PREX2: variants seen among roughly 807,000 people sequenced by gnomAD.
The protein encoded by PREX2 is phosphatidylinositol 3,4,5-trisphosphate-dependent Rac exchanger 2 protein.
PREX2 carries 107 observed loss-of-function variants against 203.2 expected under a neutral mutation model. That is an observed-to-expected ratio of 0.53 (90% confidence interval 0.45 to 0.62). The LOEUF (loss-of-function observed/expected upper bound fraction) is 0.62, where lower values mean the gene tolerates loss of function less well. PREX2 is among the 20% of genes least tolerant of loss of function. The probability of loss-of-function intolerance (pLI) is 0.00; values close to 1 mark genes in which losing one functional copy is unlikely to be tolerated. For synonymous variants in PREX2, 672 were observed against 663.6 expected (o/e 1.01, Z -0.19); for missense variants, 1,777 against 1,955.9 (o/e 0.91, Z 1.72).
intron 10 of PREX2, among the ~76,000 whole-genome samples, chr8:68,059,788 T>C (rs1316617184): frequency 2.6e-5 from 4 of 152,140 alleles, no homozygotes; most frequent in Non-Finnish European, 4.4e-5. Flanking sequence ...CAGCTCCTCA[T>C]TGAGGCTGCA....
At chr8:68,225,956 G>A (rs1813049115) in intron 39 of PREX2, among the ~76,000 whole-genome samples, 1 of 152,120 alleles carries the variant, frequency 6.6e-6, no homozygotes, top group Non-Finnish European at 1.5e-5. Flanking sequence ...ACAGTGGGGT[G>A]GGGATCAGAC....
At chr8:68,129,393 G>A (rs553145041) in intron 31 of PREX2, among the ~76,000 whole-genome samples, 2 of 151,658 alleles carry the variant, frequency 1.3e-5, no homozygotes, top group East Asian at 3.9e-4. Flanking sequence ...TGCTTTATTT[G>A]CTCACCCTCT....
intron 4 of PREX2, among the ~76,000 whole-genome samples, chr8:68,026,755 T>G (rs549728078): frequency 3.1e-4 from 47 of 152,224 alleles, no homozygotes; most frequent in African/African-American, 1.1e-3. Context: ...AGAGGAAAAC[T>G]AGAATTCTGA....
chr8:68,058,110 T>C (rs1010096907), intron 10 of PREX2, among the ~76,000 whole-genome samples: 1 of 152,206 alleles, frequency 6.6e-6, no homozygotes, highest in African/African-American at 2.4e-5. Flanking sequence ...CCTTGTCCGT[T>C]AGCAGAGTGT....
intron 37 of PREX2, among the ~76,000 whole-genome samples, chr8:68,212,654 T>C (rs940393416): frequency 6.6e-6 from 1 of 152,238 alleles, no homozygotes; most frequent in African/African-American, 2.4e-5. Context: ...CTCCACAATT[T>C]TTGTAACATA....
chr8:68,205,327 G>A (rs181384725), intron 37 of PREX2, among the ~76,000 whole-genome samples: 13 of 152,214 alleles, frequency 8.5e-5, no homozygotes, highest in African/African-American at 2.9e-4. Flanking sequence ...AAGTATTTAT[G>A]TGTTTCATTT....
At chr8:68,079,213 C>T (rs1013465781) in intron 15 of PREX2, among the ~76,000 whole-genome samples, 1 of 152,164 alleles carries the variant, frequency 6.6e-6, no homozygotes, top group Admixed American at 6.5e-5. Context: ...CTAATTATGG[C>T]TTCCGTTGTT....
chr8:68,004,588 C>G (rs1230239672), intron 1 of PREX2, among the ~76,000 whole-genome samples: 1 of 152,236 alleles, frequency 6.6e-6, no homozygotes, highest in Non-Finnish European at 1.5e-5. Context: ...TGATACGAAA[C>G]ATTCTCCTTA....
chr8:68,109,664 A>G (rs754609925), intron 25 of PREX2, 41 bp downstream of exon 25: 2 of 1,535,286 alleles, frequency 1.3e-6, no homozygotes, highest in Admixed American at 1.7e-5. Flanking sequence ...GCCAAATAAA[A>G]TAGCCATAAA....
intron 25 of PREX2, among the ~76,000 whole-genome samples, chr8:68,113,816 C>A (rs917741248): frequency 6.6e-6 from 1 of 152,090 alleles, no homozygotes; most frequent in Non-Finnish European, 1.5e-5. Context: ...AGAATTTGAG[C>A]TCCAAGAAGG....
chr8:68,103,625 G>T, intron 23 of PREX2: 1 of 519,078 alleles, frequency 1.9e-6, no homozygotes, highest in South Asian at 1.4e-5. Flanking sequence ...ACACTCCAGT[G>T]GGCCTCTTCT....
At chr8:68,195,802 C>G (rs1812383071) in intron 37 of PREX2, among the ~76,000 whole-genome samples, 1 of 152,158 alleles carries the variant, frequency 6.6e-6, no homozygotes, top group African/African-American at 2.4e-5. Context: ...ATTAGATAGT[C>G]AATTTCCTGC....
chr8:68,120,268 C>A lies in PREX2; in HGVS notation c.3577C>A (p.Pro1193Thr). 1 of 1,613,344 alleles carries A rather than the reference C, an allele frequency of 6.2e-7. No individual in the cohort carries two copies. Residue 1193 changes from proline to threonine, a missense_variant, in exon 29 of 40, where the codon CCA becomes ACA. Transcript: ENST00000288368. The part of the protein sequence containing the change: ...RAFDQTKYLT[P>T]GRGLQEFQQE... ...CTTTGACCAAACCAAGTATCTCACTCCAGGCCGAGGATTGCAAGGTAAGCC... is the reference window on the plus strand; with the variant it reads ...CTTTGACCAAACCAAGTATCTCACTACAGGCCGAGGATTGCAAGGTAAGCC...
chr8:68,163,520 T>C (rs1484433087), intron 35 of PREX2, among the ~76,000 whole-genome samples: 1 of 152,214 alleles, frequency 6.6e-6, no homozygotes, highest in African/African-American at 2.4e-5. Flanking sequence ...AGGTAGCTTT[T>C]AATTTAGTGT....
intron 13 of PREX2, among the ~76,000 whole-genome samples, chr8:68,070,905 G>A (rs1412271067): frequency 1.3e-5 from 2 of 152,060 alleles, no homozygotes; most frequent in Non-Finnish European, 2.9e-5. Flanking sequence ...ACTTTCACAA[G>A]TAGACTTCAC....
intron 34 of PREX2, among the ~76,000 whole-genome samples, chr8:68,151,225 A>G (rs1053969245): frequency 6.6e-6 from 1 of 152,006 alleles, no homozygotes; most frequent in Admixed American, 6.6e-5. Context: ...ACTTGAGACC[A>G]GCCTGGGCAA....
intron 37 of PREX2, among the ~76,000 whole-genome samples, chr8:68,217,384 A>G (rs1276475896): frequency 2.0e-5 from 3 of 152,250 alleles, no homozygotes; most frequent in African/African-American, 7.2e-5. Context: ...GTGCTCTTAT[A>G]AACAGTTCAT....
chr8:67,982,835 A>G (rs567543223), intron 1 of PREX2, among the ~76,000 whole-genome samples: 54 of 152,312 alleles, frequency 3.5e-4, no homozygotes, highest in South Asian at 3.5e-3. Flanking sequence ...TGACTTGTCT[A>G]TGACATTAAT....
At chr8:68,188,470 CA>C (rs1812233442) in intron 35 of PREX2, among the ~76,000 whole-genome samples, 1 of 152,134 alleles carries the variant, frequency 6.6e-6, no homozygotes, top group African/African-American at 2.4e-5. Context: ...AACAGGCTTG[CA>C]AAGTCTATTT....
Sources: allele counts gnomAD v4.1 joint callset (sites outside exome capture counted in the v4.1 genomes callset), GRCh38; gene constraint gnomAD v4.1.1; transcripts MANE v1.5; gene names NCBI Gene and HGNC (gene_info 2026-07-23, HGNC 2026-07-21).